The following TENM4 variants were observed in gnomAD, a reference collection of about 807,000 sequenced individuals.
TENM4 encodes teneurin-4.
TENM4 carries 82 observed loss-of-function variants against 243.3 expected under a neutral mutation model. That is an observed-to-expected ratio of 0.34 (90% CI 0.28 to 0.40). The LOEUF is 0.40. Ranked by LOEUF, TENM4 falls within the 10% of genes least tolerant of loss-of-function variation. The probability of loss-of-function intolerance (pLI) is 1.00; values close to 1 mark genes in which losing one functional copy is unlikely to be tolerated. For synonymous variants in TENM4, 1,412 were observed against 1,456.3 expected (o/e 0.97, Z 0.69); for missense variants, 3,138 against 3,673.3 (o/e 0.85, Z 3.77).
intron 6 of TENM4, among the ~76,000 whole-genome samples, chr11:79,063,784 G>T (rs1390483681): frequency 6.6e-6 from 1 of 152,208 alleles, no homozygotes; most frequent in Non-Finnish European, 1.5e-5. Flanking sequence ...AAGGAGGTGT[G>T]TGAACCAGGT....
At chr11:78,818,070 TG>T (rs755223589) in intron 12 of TENM4, among the ~76,000 whole-genome samples, 6 of 152,200 alleles carry the variant, frequency 3.9e-5, no homozygotes, top group Non-Finnish European at 5.9e-5. Context: ...GTATTTGCCC[TG>T]GTATTCAATC....
chr11:78,698,640 C>T (rs1859031498), intron 28 of TENM4, among the ~76,000 whole-genome samples: 1 of 152,222 alleles, frequency 6.6e-6, no homozygotes, highest in Non-Finnish European at 1.5e-5. Context: ...AATATCTGTA[C>T]ACCTCTAATT....
intron 4 of TENM4, among the ~76,000 whole-genome samples, chr11:79,127,641 C>G (rs190083418): frequency 6.6e-6 from 1 of 152,188 alleles, no homozygotes; most frequent in Non-Finnish European, 1.5e-5. Context: ...TAATCTTATT[C>G]GGGGAGACCT....
intron 1 of TENM4, among the ~76,000 whole-genome samples, chr11:79,300,753 C>CTAA (rs1565289779): frequency 6.6e-6 from 1 of 152,208 alleles, no homozygotes; most frequent in African/African-American, 2.4e-5. Flanking sequence ...ATTGCATGTT[C>CTAA]GTTATGCTTT....
intron 1 of TENM4, among the ~76,000 whole-genome samples, chr11:79,336,666 T>C (rs1857153117): frequency 6.6e-6 from 1 of 152,230 alleles, no homozygotes; most frequent in Non-Finnish European, 1.5e-5. Flanking sequence ...AATGCCACTT[T>C]GAAAATATTG....
intron 6 of TENM4, among the ~76,000 whole-genome samples, chr11:79,005,457 T>C (rs1210415054): frequency 1.3e-5 from 2 of 152,124 alleles, no homozygotes; most frequent in Non-Finnish European, 2.9e-5. Context: ...TATACGCAAG[T>C]CAATAAATGT....
rs78164667 is a variant in TENM4 at position 79,339,590 on chromosome 11, C to T, written c.-320-42047G>A. ...CCAGTGAGATGTGCCTTATTATGCCCATTTTACAGATGAAGAAGCTGAGGC... is the reference window on the plus strand; with the variant it reads ...CCAGTGAGATGTGCCTTATTATGCCTATTTTACAGATGAAGAAGCTGAGGC... On this transcript the variant is annotated intron_variant, in intron 1 of 33. Coordinates refer to ENST00000278550, the MANE Select transcript of TENM4 (RefSeq NM_001098816.3). Among the ~76,000 whole-genome samples the T allele has an allele frequency of 3.5e-3, 510 of 146,914 alleles. 5 individuals carry two copies. The highest frequency in any genetic ancestry group is 0.012 in the African/African-American group (486 of 40,588).
intron 1 of TENM4, among the ~76,000 whole-genome samples, chr11:79,364,136 T>C (rs997352666): frequency 6.6e-6 from 1 of 152,214 alleles, no homozygotes. Flanking sequence ...ATTGAGGAGA[T>C]ACTGTCTATG....
chr11:78,669,313 G>C lies in TENM4; in HGVS notation c.7032C>G (p.His2344Gln). The stretch of plus-strand genomic sequence containing the variant: ...CACTGCTCAGCTCCATGGCAAAGAG[G>C]TGTCCTTGCAAGTCGTAGTAGAGGG... Reference protein sequence around the residue: ...ITSLYYDLQGHLFAMELSSGD... With the variant: ...ITSLYYDLQGQLFAMELSSGD... Residue 2344 changes from histidine to glutamine, a missense_variant, in exon 32 of 34, where the codon CAC (histidine) becomes CAG (glutamine). Around this residue, in one of 2 missense-constraint regions of TENM4, gnomAD observed 2,467 missense variants for 3,059.1 expected, o/e 0.81. Transcript: ENST00000278550. This position sits in a 1 kb window ranked among gnomAD's most constrained non-coding sequence, Gnocchi z 6.4. 6.2e-7 allele frequency: 1 copy of C among 1,613,956 alleles called. No individual in the cohort carries two copies. Among genetic ancestry groups the C allele is most frequent in the Non-Finnish European group, 8.5e-7 (1 of 1,179,858 alleles).
chr11:78,729,249 T>C, intron 22 of TENM4, 127 bp downstream of exon 22: 1 of 1,079,540 alleles, frequency 9.3e-7, no homozygotes, highest in Non-Finnish European at 1.3e-6. Flanking sequence ...CGGACAGGTC[T>C]TAAAGGTCAA....
intron 1 of TENM4, among the ~76,000 whole-genome samples, chr11:79,334,434 C>A (rs1857114594): frequency 6.6e-6 from 1 of 152,166 alleles, no homozygotes; most frequent in Non-Finnish European, 1.5e-5. Flanking sequence ...AGTCTGCAGG[C>A]TCCCCTCCCT....
intron 4 of TENM4, among the ~76,000 whole-genome samples, chr11:79,098,707 A>G (rs917858045): frequency 4.6e-5 from 7 of 152,210 alleles, no homozygotes; most frequent in South Asian, 4.1e-4. Flanking sequence ...TGGGCAAGCG[A>G]TGGGTCTTCT....
intron 29 of TENM4, among the ~76,000 whole-genome samples, chr11:78,685,068 A>G (rs907366832): frequency 6.6e-6 from 1 of 152,112 alleles, no homozygotes; most frequent in African/African-American, 2.4e-5. Context: ...CACACATGCA[A>G]AAATTCTAAA....
intron 16 of TENM4, among the ~76,000 whole-genome samples, chr11:78,784,785 C>T (rs1856900975): frequency 6.6e-6 from 1 of 152,110 alleles, no homozygotes; most frequent in Non-Finnish European, 1.5e-5. Context: ...TTCTTGGCAT[C>T]AAAATAAAAG....
At chr11:78,727,107 G>A (rs1280732491) in intron 22 of TENM4, among the ~76,000 whole-genome samples, 2 of 152,184 alleles carry the variant, frequency 1.3e-5, no homozygotes, top group Non-Finnish European at 2.9e-5. Context: ...AATGCTTATG[G>A]AGCAATGCTC....
intron 3 of TENM4, among the ~76,000 whole-genome samples, chr11:79,169,641 C>A (rs1008184780): frequency 6.6e-6 from 1 of 152,168 alleles, no homozygotes; most frequent in Admixed American, 6.5e-5. Context: ...ACCCCCTCCC[C>A]CCAAAAAATG....
intron 3 of TENM4, among the ~76,000 whole-genome samples, chr11:79,170,383 G>A: frequency 6.6e-6 from 1 of 152,122 alleles, no homozygotes; most frequent in East Asian, 1.9e-4. Context: ...GGTGTTATAG[G>A]TCAAACAGCA....
chr11:79,201,608 A>G (rs1863738858), intron 3 of TENM4, among the ~76,000 whole-genome samples: 1 of 152,218 alleles, frequency 6.6e-6, no homozygotes. Context: ...GGATACTGGC[A>G]TGAATCAACC....
intron 6 of TENM4, among the ~76,000 whole-genome samples, chr11:78,942,259 CAAAAAAAAAAAAAAAAAAAAAAAAAAAA>C (rs56973257): frequency 2.7e-4 from 3 of 11,194 alleles, no homozygotes; most frequent in African/African-American, 1.0e-3. Context: ...CAAAATACAC[CAAAAAAAAAAAAAAAAAAAAAAAAAAAA>C]AAAAAAAAAA....
Sources: allele counts gnomAD v4.1 joint callset (sites outside exome capture counted in the v4.1 genomes callset), GRCh38; gene constraint gnomAD v4.1.1; regional missense constraint gnomAD v4.1.1; non-coding constraint Gnocchi (gnomAD v3.1); transcripts MANE v1.5; gene names NCBI Gene and HGNC (gene_info 2026-07-23, HGNC 2026-07-21).